Variants in PTGES3 observed in about 807,000 individuals in gnomAD.
PTGES3 encodes the protein prostaglandin E synthase 3.
PTGES3 carries 5 observed loss-of-function variants against 29.9 expected under a neutral mutation model. The ratio of observed to expected loss-of-function variants is 0.17; its 90% CI spans 0.09 to 0.35. The LOEUF is 0.35. Ranked by LOEUF, PTGES3 falls within the 10% of genes least tolerant of loss-of-function variation. The pLI is 1.00. For missense variants in PTGES3, 128 were observed against 190.0 expected (o/e 0.67, Z 1.92); for synonymous variants, 49 against 57.8 (o/e 0.85, Z 0.69).
At position 56,664,817 on chromosome 12, in the gene PTGES3, A is replaced by G. The variant is rs767557624; in HGVS notation, c.439-17T>C. 1 of 1,598,126 alleles carries G rather than the reference A, an allele frequency of 6.3e-7. No homozygotes were observed. ...TTGTGAATCCTGAAAGAGGGAAAAT[A>G]AAGTTACCGAGCTGATCAAATATTC... On this transcript the variant is annotated splice_polypyrimidine_tract_variant and intron_variant, in intron 6 of 7. Coordinates refer to ENST00000262033, the MANE Select transcript of PTGES3 (RefSeq NM_006601.7).
chr12:56,682,387 G>C (rs1042035101), intron 1 of PTGES3, among the ~76,000 whole-genome samples: 1 of 151,996 alleles, frequency 6.6e-6, no homozygotes, highest in Admixed American at 6.6e-5. Flanking sequence ...AACATTGTGA[G>C]ACCCCCGTCT....
At chr12:56,671,474 G>C (rs546244929) in intron 4 of PTGES3, among the ~76,000 whole-genome samples, 2 of 152,260 alleles carry the variant, frequency 1.3e-5, no homozygotes, top group Admixed American at 1.3e-4. Context: ...ATTTTCAGTT[G>C]ATTATTTTTT....
At position 56,671,793 on chromosome 12, in the gene PTGES3, C is replaced by T. The variant is rs761443852; in HGVS notation, c.241G>A (p.Glu81Lys). ...RSILCCLRKG[E>K]SGQSWPRLTK... The stretch of plus-strand genomic sequence containing the variant: ...AACCTTGGCCATGACTGGCCAGATT[C>T]TCCTTTTCGTAAACAACATAAAATT... The change falls in exon 4 of 8, where the codon GAA becomes AAA. Residue 81 changes from glutamate (E) to lysine (K), a missense_variant. Physicochemically the swap from Glu to Lys is moderately conservative, Grantham distance 56 (BLOSUM62 1). Coordinates refer to ENST00000262033, the MANE Select transcript of PTGES3 (RefSeq NM_006601.7). The T allele has an allele frequency of 2.5e-6, 4 of 1,578,088 alleles. No individual in the cohort carries two copies. In the Admixed American group the frequency reaches 7.3e-5, roughly 29 times the overall value.
chr12:56,681,596 C>A (rs1302323315), intron 1 of PTGES3, among the ~76,000 whole-genome samples: 1 of 144,022 alleles, frequency 6.9e-6, no homozygotes, highest in East Asian at 2.1e-4. Context: ...TGCCTGTAAT[C>A]CCAGCACTTT....
intron 1 of PTGES3, among the ~76,000 whole-genome samples, chr12:56,679,371 T>C (rs1439791305): frequency 2.3e-5 from 3 of 128,030 alleles, no homozygotes; most frequent in South Asian, 5.2e-4. Flanking sequence ...GTGCCCCTGC[T>C]GCACCCCAGC....
At position 56,669,091 on chromosome 12, in the gene PTGES3, C is replaced by A. The variant is rs1046975215; in HGVS notation, c.375+1184G>T. On this transcript the variant is annotated intron_variant, in intron 5 of 7. Coordinates refer to ENST00000262033, the MANE Select transcript of PTGES3 (RefSeq NM_006601.7). Reference sequence around the variant, plus strand: ...GTGGTGTGATCTCGGCTCACTGCAACCTCTACCTCCTGGGTTCAAGCAATT... The same window carrying A: ...GTGGTGTGATCTCGGCTCACTGCAAACTCTACCTCCTGGGTTCAAGCAATT... 2.0e-5 allele frequency among the ~76,000 whole-genome samples: 3 copies of A among 148,714 alleles called. No individual in the cohort carries two copies. The East Asian group carries it at 5.9e-4, about 29-fold the overall frequency.
At chr12:56,674,334 C>T (rs1952129589) in intron 1 of PTGES3, among the ~76,000 whole-genome samples, 1 of 152,146 alleles carries the variant, frequency 6.6e-6, no homozygotes, top group African/African-American at 2.4e-5. Flanking sequence ...TTTTCAGCCT[C>T]GTGGAAATGT....
chr12:56,675,190 T>C (rs1208319353), intron 1 of PTGES3, among the ~76,000 whole-genome samples: 1 of 151,296 alleles, frequency 6.6e-6, no homozygotes, highest in East Asian at 1.9e-4. Flanking sequence ...GTCCCAGCTA[T>C]TTGGGAGACT....
chr12:56,687,199 C>T lies in PTGES3; in HGVS notation c.2+799G>A, dbSNP rs1952915881. 3 of 1,063,330 alleles carry T rather than the reference C, an allele frequency of 2.8e-6. No individual in the cohort carries two copies. In the South Asian group the frequency reaches 1.4e-4, roughly 49 times the overall value. The allele number at this position is 1,063,330 out of a possible 1,614,324, so 65.9% of individuals were successfully genotyped here. On this transcript the variant is annotated intron_variant, in intron 1 of 7. Coordinates refer to ENST00000262033, the MANE Select transcript of PTGES3 (RefSeq NM_006601.7). ...GGACGACTGTAGGTTAATTAAATGCCTACTACATACCTATTTCATCCTACA... is the reference window on the plus strand; with the variant it reads ...GGACGACTGTAGGTTAATTAAATGCTTACTACATACCTATTTCATCCTACA...
chr12:56,687,004 TCAAA>T, intron 1 of PTGES3: 2 of 43,076 alleles, frequency 4.6e-5, no homozygotes, highest in Non-Finnish European at 7.8e-5. Context: ...TAACCTCCCG[TCAAA>T]AAAAAAAAAA....
intron 5 of PTGES3, among the ~76,000 whole-genome samples, chr12:56,668,152 G>A (rs986492996): frequency 6.6e-6 from 1 of 152,156 alleles, no homozygotes; most frequent in Non-Finnish European, 1.5e-5. Flanking sequence ...GATTTCATGT[G>A]AAGTGCTCTT....
At chr12:56,680,410 A>T (rs1417469774) in intron 1 of PTGES3, among the ~76,000 whole-genome samples, 4 of 149,684 alleles carry the variant, frequency 2.7e-5, no homozygotes, top group Non-Finnish European at 4.4e-5. Context: ...GGGGGGACAG[A>T]GTTTCACTCT....
At chr12:56,664,742 T>TATA in intron 7 of PTGES3, 34 bp downstream of exon 7, 1 of 1,570,866 alleles carries the variant, frequency 6.4e-7, no homozygotes, top group South Asian at 1.2e-5. Context: ...ATGCAAAGTA[T>TATA]CACTGTATAA....
At position 56,670,331 on chromosome 12, in the gene PTGES3, T is replaced by C. The variant is rs1206826806; in HGVS notation, c.319A>G (p.Lys107Glu). ...TCATCTGAATCATCTTCCCAGTCTT[T>C]CCAATTATTGAAGTCGACACTAAGC... Reference protein sequence around the residue: ...NWLSVDFNNWKDWEDDSDEDM... With the variant: ...NWLSVDFNNWEDWEDDSDEDM... Residue 107 changes from lysine to glutamate, a missense_variant, in exon 5 of 8, where the codon AAA becomes GAA. Coordinates refer to ENST00000262033, the MANE Select transcript of PTGES3 (RefSeq NM_006601.7). 6.2e-7 allele frequency: 1 copy of C among 1,613,544 alleles called. No individual in the cohort carries two copies. Among genetic ancestry groups the C allele is most frequent in the Non-Finnish European group, 8.5e-7 (1 of 1,179,462 alleles).
intron 6 of PTGES3, chr12:56,665,185 A>G: frequency 2.0e-6 from 2 of 985,334 alleles, no homozygotes; most frequent in Non-Finnish European, 2.4e-6. Context: ...AAATAGCATT[A>G]AATAACTTTC....
At chr12:56,672,703 C>A in intron 3 of PTGES3, 37 bp downstream of exon 3, 1 of 1,506,574 alleles carries the variant, frequency 6.6e-7, no homozygotes, top group Non-Finnish European at 8.9e-7. Context: ...TGTTTCCTCA[C>A]AACTAAAATT....
chr12:56,673,778 C>T lies in PTGES3; in HGVS notation c.3-713G>A, dbSNP rs534226947. Among the ~76,000 whole-genome samples the T allele has an allele frequency of 1.5e-4, 17 of 112,910 alleles. No individual in the cohort carries two copies. In the East Asian group the frequency reaches 4.1e-3, roughly 27 times the overall value. 74.1% of individuals were successfully genotyped at this position (112,910 alleles called of 152,430 possible). A position where few individuals can be genotyped will look rare whatever the true frequency, so the allele number is the denominator to read the frequency against. On this transcript the variant is annotated intron_variant, in intron 1 of 7. Transcript: ENST00000262033. ...ATTGCACTCCAGCCTGGCAACAGAG[C>T]GAGACTGTCTCAAAAAAAAAAAAAA...
chr12:56,676,367 G>C (rs898444715), intron 1 of PTGES3, among the ~76,000 whole-genome samples: 1 of 151,816 alleles, frequency 6.6e-6, no homozygotes, highest in Non-Finnish European at 1.5e-5. Context: ...CCATGTCTCT[G>C]TACTTCCAGT....
At chr12:56,672,493 C>CA (rs1042404174) in intron 3 of PTGES3, among the ~76,000 whole-genome samples, 55 of 151,710 alleles carry the variant, frequency 3.6e-4, no homozygotes, top group African/African-American at 1.3e-3. Context: ...ACCAAACAAA[C>CA]AAAAAAACAA....
Sources: gnomAD v4.1 joint callset for allele counts (sites outside exome capture counted in the v4.1 genomes callset) on GRCh38, gnomAD v4.1.1 for gene constraint, MANE v1.5 for transcripts, NCBI Gene and HGNC (gene_info 2026-07-23, HGNC 2026-07-21) for gene names.